The following SCN8A variants were observed in gnomAD, a reference collection of about 807,000 sequenced individuals.
SCN8A encodes the protein sodium channel protein type 8 subunit alpha.
SCN8A carries 30 observed loss-of-function variants against 184.1 expected under a neutral mutation model. That is an observed-to-expected ratio of 0.16 (90% CI 0.12 to 0.22). The LOEUF is 0.22. Ranked by LOEUF, SCN8A falls within the 10% of genes least tolerant of loss-of-function variation. SCN8A has a pLI of 1.00. For synonymous variants in SCN8A, 852 were observed against 907.0 expected, an observed-to-expected ratio of 0.94 and a Z score of 1.09; for missense variants, 1,057 against 2,498.9, an observed-to-expected ratio of 0.42 and a Z score of 12.30.
chr12:51,653,001 C>T (rs1275005318), intron 1 of SCN8A, among the ~76,000 whole-genome samples: 1 of 152,076 alleles, frequency 6.6e-6, no homozygotes, highest in Non-Finnish European at 1.5e-5. Flanking sequence ...ATATCCATAA[C>T]ATTTACCATC....
intron 2 of SCN8A, among the ~76,000 whole-genome samples, chr12:51,674,532 G>C (rs930990758): frequency 6.6e-6 from 1 of 152,016 alleles, no homozygotes; most frequent in Non-Finnish European, 1.5e-5. Flanking sequence ...ACGGGGTTTT[G>C]CCATGTTGAC....
At chr12:51,723,831 G>C (rs951816517) in intron 12 of SCN8A, among the ~76,000 whole-genome samples, 8 of 138,302 alleles carry the variant, frequency 5.8e-5, no homozygotes, top group Admixed American at 5.5e-4. Context: ...CTGGGCAACA[G>C]AGCGAGACTC....
At chr12:51,721,315 G>T (rs1942056459) in intron 11 of SCN8A, among the ~76,000 whole-genome samples, 1 of 151,898 alleles carries the variant, frequency 6.6e-6, no homozygotes, top group Admixed American at 6.6e-5. Flanking sequence ...ATGCGTGCAA[G>T]AACAGTGGGT....
At chr12:51,789,161 G>T in intron 23 of SCN8A, 120 bp from the exon 24 acceptor site, 1 of 1,058,422 alleles carries the variant, frequency 9.4e-7, no homozygotes. Flanking sequence ...AAAGAATCTA[G>T]GGCTCTCCCA....
Position 51,691,218 on chromosome 12 carries a change from G to A in SCN8A, c.706+2122G>A, listed in dbSNP as rs1273319966. On this transcript the variant is annotated intron_variant, in intron 6 of 26. Coordinates refer to ENST00000627620, the MANE Select transcript of SCN8A (RefSeq NM_001330260.2). Reference sequence around the variant, plus strand: ...AAGGCATCTGTCTCTTTATGTTCCTGTGATCTCAAAACTTCTCTCCCAGAA... The same window carrying A: ...AAGGCATCTGTCTCTTTATGTTCCTATGATCTCAAAACTTCTCTCCCAGAA... 2.0e-5 allele frequency among the ~76,000 whole-genome samples: 3 copies of A among 152,000 alleles called. No homozygotes were observed. The East Asian group carries it at 5.8e-4, about 29-fold the overall frequency.
intron 2 of SCN8A, among the ~76,000 whole-genome samples, chr12:51,667,010 C>T (rs1941045975): frequency 6.6e-6 from 1 of 152,136 alleles, no homozygotes; most frequent in African/African-American, 2.4e-5. Flanking sequence ...CGTTCTAATA[C>T]CTCCTTTCTT....
At chr12:51,634,858 CAG>C (rs992296615) in intron 1 of SCN8A, among the ~76,000 whole-genome samples, 6 of 151,988 alleles carry the variant, frequency 3.9e-5, no homozygotes, top group African/African-American at 1.4e-4. Context: ...CCATGTTGGC[CAG>C]GCTGATCTTG....
At chr12:51,663,452 T>A (rs1940965073) in intron 2 of SCN8A, among the ~76,000 whole-genome samples, 1 of 152,228 alleles carries the variant, frequency 6.6e-6, no homozygotes, top group South Asian at 2.1e-4. Context: ...TATAAAGATG[T>A]TGTTACTATT....
intron 12 of SCN8A, among the ~76,000 whole-genome samples, chr12:51,725,701 T>G (rs1942145776): frequency 6.6e-6 from 1 of 152,174 alleles, no homozygotes; most frequent in Non-Finnish European, 1.5e-5. Flanking sequence ...GTCACTTATC[T>G]TAGAAGGACA....
At chr12:51,762,426 G>C in intron 14 of SCN8A, 77 bp from the exon 15 acceptor site, 3 of 1,369,760 alleles carry the variant, frequency 2.2e-6, no homozygotes, top group Non-Finnish European at 3.1e-6. Context: ...TCTTGGACAT[G>C]TTGTTTTCAA....
At chr12:51,698,069 G>T (rs746812091) in intron 6 of SCN8A, among the ~76,000 whole-genome samples, 28 of 152,176 alleles carry the variant, frequency 1.8e-4, no homozygotes, top group Non-Finnish European at 3.7e-4. Context: ...GGCCAGGCTG[G>T]TCTTGAACTC....
At chr12:51,614,929 G>A (rs972846725) in intron 1 of SCN8A, among the ~76,000 whole-genome samples, 1 of 151,506 alleles carries the variant, frequency 6.6e-6, no homozygotes, top group Non-Finnish European at 1.5e-5. Context: ...TTAATTATAT[G>A]TTCAATGTTG....
At chr12:51,723,133 C>G (rs759528327) in intron 12 of SCN8A, 1 of 152,096 alleles carries the variant, frequency 6.6e-6, no homozygotes, top group Non-Finnish European at 1.5e-5. Context: ...GATAAAATAT[C>G]AAAAGGCAAT....
rs565726345 is a variant in SCN8A at position 51,809,290 on chromosome 12, T to C, written c.*1861T>C. The C allele has an allele frequency of 6.6e-6, 1 of 152,324 alleles. No individual in the cohort carries two copies. The highest frequency in any genetic ancestry group is 2.4e-5 in the African/African-American group (1 of 41,580). 9.4% of individuals were successfully genotyped at this position (152,324 alleles called of 1,614,324 possible). On this transcript the variant is annotated 3_prime_UTR_variant, in exon 27 of 27. Transcript: ENST00000627620. ...CTATACAAAGAGTGAAAAGAGACTTTAGCATGTGAACCAAATCCAAATAAA... is the reference window on the plus strand; with the variant it reads ...CTATACAAAGAGTGAAAAGAGACTTCAGCATGTGAACCAAATCCAAATAAA...
intron 26 of SCN8A, among the ~76,000 whole-genome samples, chr12:51,799,841 G>A (rs964796091): frequency 3.9e-5 from 6 of 152,180 alleles, no homozygotes; most frequent in Admixed American, 3.3e-4. Flanking sequence ...CTTCACCTTA[G>A]AAGGAATATC....
intron 1 of SCN8A, among the ~76,000 whole-genome samples, chr12:51,601,891 C>A (rs1474828438): frequency 8.4e-5 from 11 of 131,684 alleles, no homozygotes; most frequent in African/African-American, 1.5e-4. Flanking sequence ...AAGAGCAATG[C>A]ATTTAATACT....
At chr12:51,700,525 A>G (rs1004570301) in intron 7 of SCN8A, among the ~76,000 whole-genome samples, 2 of 152,240 alleles carry the variant, frequency 1.3e-5, no homozygotes, top group African/African-American at 4.8e-5. Flanking sequence ...CAATCCTATT[A>G]CAGTTGAGTA....
intron 2 of SCN8A, among the ~76,000 whole-genome samples, chr12:51,673,419 T>G (rs1941167035): frequency 6.6e-6 from 1 of 152,200 alleles, no homozygotes; most frequent in Non-Finnish European, 1.5e-5. Flanking sequence ...TTGTTGTGTT[T>G]AGTTCATTTG....
chr12:51,745,062 C>T lies in SCN8A; in HGVS notation c.1999-841C>T, dbSNP rs746463948. On this transcript the variant is annotated intron_variant, in intron 12 of 26. Transcript: ENST00000627620. ...ATTAGTTTTAAGCCACCCCATTAAG[C>T]CTGAACTGATGTGGAATAGTCACAA... Among the ~76,000 whole-genome samples the T allele has an allele frequency of 6.6e-4, 101 of 152,104 alleles. 1 individual carries two copies. Among genetic ancestry groups the T allele is most frequent in the Non-Finnish European group, 1.6e-4 (11 of 68,016 alleles).
Sources: gnomAD v4.1 joint callset for allele counts (sites outside exome capture counted in the v4.1 genomes callset) on GRCh38, gnomAD v4.1.1 for gene constraint, MANE v1.5 for transcripts, NCBI Gene and HGNC (gene_info 2026-07-23, HGNC 2026-07-21) for gene names.